The following PTPN9 variants were observed in gnomAD, a reference collection of about 807,000 sequenced individuals.
PTPN9 encodes tyrosine-protein phosphatase non-receptor type 9.
A neutral mutation model predicts 69.8 loss-of-function variants in PTPN9; 26 were observed. The observed-to-expected ratio is 0.37, with a 90% CI of 0.27 to 0.52. The LOEUF (loss-of-function observed/expected upper bound fraction) is 0.52, where lower values mean the gene tolerates loss of function less well. Ranked by LOEUF, PTPN9 falls within the 20% of genes least tolerant of loss-of-function variation. The probability of loss-of-function intolerance (pLI) is 0.91; values close to 1 mark genes in which losing one functional copy is unlikely to be tolerated. For missense variants in PTPN9, 549 were observed against 740.3 expected (o/e 0.74, Z 3.00); for synonymous variants, 274 against 272.5 (o/e 1.01, Z -0.05).
chr15:75,501,081 TTC>T (rs1443188462), intron 7 of PTPN9, among the ~76,000 whole-genome samples: 1 of 152,140 alleles, frequency 6.6e-6, no homozygotes, highest in Non-Finnish European at 1.5e-5. Context: ...TCTGATTGAC[TTC>T]TTTCTCAAGT....
intron 1 of PTPN9, among the ~76,000 whole-genome samples, chr15:75,554,191 G>GA (rs1388296573): frequency 2.8e-5 from 4 of 141,038 alleles, no homozygotes; most frequent in African/African-American, 5.2e-5. Context: ...GCTGAAAAAA[G>GA]AAAAAAAAAT....
chr15:75,558,405 G>C (rs1458520160), intron 1 of PTPN9, among the ~76,000 whole-genome samples: 1 of 151,808 alleles, frequency 6.6e-6, no homozygotes, highest in Non-Finnish European at 1.5e-5. Context: ...TACTCGGAAG[G>C]CTGAGGCACG....
intron 1 of PTPN9, among the ~76,000 whole-genome samples, chr15:75,562,882 A>C (rs1457188128): frequency 6.6e-6 from 1 of 151,812 alleles, no homozygotes; most frequent in Non-Finnish European, 1.5e-5. Flanking sequence ...AATTTCAAAA[A>C]AGTTTCACTC....
At chr15:75,578,636 C>T in intron 1 of PTPN9, 78 bp downstream of exon 1, 1 of 1,156,856 alleles carries the variant, frequency 8.6e-7, no homozygotes, top group Non-Finnish European at 1.1e-6. Context: ...TGCAAAGAGC[C>T]GGCACTCGGG....
At chr15:75,519,699 T>G (rs922780217) in intron 4 of PTPN9, among the ~76,000 whole-genome samples, 6 of 151,832 alleles carry the variant, frequency 4.0e-5, no homozygotes, top group Admixed American at 2.0e-4. Context: ...CTCAAACTCC[T>G]GACCTCAAGT....
chr15:75,575,811 C>T (rs568890333), intron 1 of PTPN9, among the ~76,000 whole-genome samples: 7 of 144,760 alleles, frequency 4.8e-5, no homozygotes, highest in African/African-American at 7.7e-5. Flanking sequence ...CCCAGCTACT[C>T]GGGAGGCTGA....
chr15:75,549,617 TAA>T (rs955524614), intron 1 of PTPN9, among the ~76,000 whole-genome samples: 1 of 151,710 alleles, frequency 6.6e-6, no homozygotes, highest in East Asian at 1.9e-4. Context: ...AAGGCATAGT[TAA>T]AAAAAAGAGT....
At chr15:75,543,024 G>C (rs1250439645) in intron 1 of PTPN9, among the ~76,000 whole-genome samples, 3 of 106,354 alleles carry the variant, frequency 2.8e-5, no homozygotes, top group African/African-American at 1.2e-4. Flanking sequence ...GACAGTCCCC[G>C]GTGTGTAATG....
intron 7 of PTPN9, 132 bp from the exon 8 acceptor site, chr15:75,490,433 C>G: frequency 1.5e-6 from 1 of 662,430 alleles, no homozygotes; most frequent in East Asian, 2.6e-5. Flanking sequence ...CAATTTCTAG[C>G]CCATACAGTT....
In PTPN9 at chr15:75,538,447, A is replaced by C. The variant is rs74834162; in HGVS notation, c.64-11186T>G. Among the ~76,000 whole-genome samples, 1,209 of 152,312 alleles carry C rather than the reference A, an allele frequency of 7.9e-3. 19 individuals are homozygous for C. The highest frequency in any genetic ancestry group is 0.028 in the African/African-American group (1,147 of 41,558). On this transcript the variant is annotated intron_variant, in intron 1 of 12. Transcript: ENST00000618819. ...TGTGGTGGCTCCAATCTATAATCCC[A>C]GCACTCTGGGAGGCCGAAGTGGGCA...
chr15:75,464,670 G>C lies in PTPN9; in HGVS notation c.*4099C>G, dbSNP rs2074529758. 6.6e-6 allele frequency: 1 copy of C among 152,108 alleles called. No individual in the cohort carries two copies. Among genetic ancestry groups the C allele is most frequent in the South Asian group, 2.1e-4 (1 of 4,828 alleles). The allele number at this position is 152,108 out of a possible 1,614,324, so 9.4% of individuals were successfully genotyped here. The stretch of plus-strand genomic sequence containing the variant: ...TTTTCTACTTGGCCAATGCCTCTTG[G>C]CCCAATTCCCTCTAGGTCTCTGATT... On this transcript the variant is annotated 3_prime_UTR_variant, in exon 13 of 13. Transcript: ENST00000618819.
chr15:75,517,027 G>A (rs1395647651), intron 5 of PTPN9, among the ~76,000 whole-genome samples: 2 of 152,130 alleles, frequency 1.3e-5, no homozygotes, highest in Non-Finnish European at 2.9e-5. Flanking sequence ...ACAGGCATGA[G>A]CCATGGCGCC....
chr15:75,559,834 T>A (rs186245560), intron 1 of PTPN9, among the ~76,000 whole-genome samples: 5 of 151,466 alleles, frequency 3.3e-5, no homozygotes, highest in Admixed American at 2.6e-4. Flanking sequence ...AAAATGAATA[T>A]TTTTTTCTTT....
At chr15:75,533,842 T>G (rs1285637392) in intron 1 of PTPN9, among the ~76,000 whole-genome samples, 1 of 152,182 alleles carries the variant, frequency 6.6e-6, no homozygotes, top group Non-Finnish European at 1.5e-5. Flanking sequence ...AATTTTGAGA[T>G]GAGCTTTGGG....
intron 1 of PTPN9, among the ~76,000 whole-genome samples, chr15:75,549,533 G>A (rs1351081282): frequency 2.0e-5 from 3 of 152,106 alleles, no homozygotes; most frequent in African/African-American, 7.2e-5. Context: ...ACAATCTGAA[G>A]AGACTAGCAC....
At chr15:75,530,408 ATAT>A (rs1460296168) in intron 1 of PTPN9, among the ~76,000 whole-genome samples, 10 of 113,654 alleles carry the variant, frequency 8.8e-5, no homozygotes, top group African/African-American at 3.0e-4. Context: ...ATTACATATT[ATAT>A]TATTATATAT....
chr15:75,470,513 A>T (rs1301206239), intron 11 of PTPN9, among the ~76,000 whole-genome samples, 167 bp downstream of exon 11: 2 of 152,230 alleles, frequency 1.3e-5, no homozygotes, highest in East Asian at 1.9e-4. Flanking sequence ...GTGCTGCAGT[A>T]ATATGGCTAT....
At chr15:75,565,714 C>G (rs562603903) in intron 1 of PTPN9, among the ~76,000 whole-genome samples, 1 of 152,212 alleles carries the variant, frequency 6.6e-6, no homozygotes, top group African/African-American at 2.4e-5. Context: ...CACTCATTTG[C>G]GAATCATTTT....
chr15:75,481,868 T>C (rs2074637588), intron 8 of PTPN9, among the ~76,000 whole-genome samples: 1 of 138,262 alleles, frequency 7.2e-6, no homozygotes, highest in Non-Finnish European at 1.6e-5. Context: ...CAGCCGCCCC[T>C]CCGGGAGGTG....
Sources: gnomAD v4.1 joint callset for allele counts (sites outside exome capture counted in the v4.1 genomes callset) on GRCh38, gnomAD v4.1.1 for gene constraint, MANE v1.5 for transcripts, NCBI Gene and HGNC (gene_info 2026-07-23, HGNC 2026-07-21) for gene names.